The following PRKD1 variants were observed in gnomAD, a reference collection of about 807,000 sequenced individuals.
PRKD1 encodes the protein protein kinase D1.
PRKD1 carries 63 observed loss-of-function variants against 95.9 expected under a neutral mutation model. That is an observed-to-expected ratio of 0.66 (90% CI 0.54 to 0.81). The LOEUF (loss-of-function observed/expected upper bound fraction) is 0.81. Ranked by LOEUF, PRKD1 falls within the 30% of genes least tolerant of loss-of-function variation. PRKD1 has a pLI of 0.00. For synonymous variants in PRKD1, 425 were observed against 423.1 expected (o/e 1.00, Z -0.05); for missense variants, 1,048 against 1,165.3 (o/e 0.90, Z 1.47).
In PRKD1 at chr14:29,927,640, G is replaced by A. The variant is rs1280431316; in HGVS notation, c.-128C>T. ...CCCAGACGGAAAATAAAAACTTTCC[G>A]GAAAAGTCCCTGGGCTGGGGGAGGG... On this transcript the variant is annotated 5_prime_UTR_variant, in exon 1 of 18. Coordinates refer to ENST00000331968, the MANE Select transcript of PRKD1 (RefSeq NM_002742.3). The A allele has an allele frequency of 1.3e-6, 1 of 751,506 alleles. No individual in the cohort carries two copies. Among genetic ancestry groups the A allele is most frequent in the Non-Finnish European group, 1.7e-6 (1 of 599,662 alleles). 46.6% of individuals were successfully genotyped at this position (751,506 alleles called of 1,614,324 possible).
intron 2 of PRKD1, among the ~76,000 whole-genome samples, chr14:29,669,389 T>G (rs1270701719): frequency 6.6e-6 from 1 of 152,146 alleles, no homozygotes; most frequent in Non-Finnish European, 1.5e-5. Context: ...ATTGAATTGA[T>G]TAGTTCGTCC....
At chr14:29,747,692 G>A (rs912788593) in intron 1 of PRKD1, among the ~76,000 whole-genome samples, 1 of 152,106 alleles carries the variant, frequency 6.6e-6, no homozygotes, top group African/African-American at 2.4e-5. Context: ...AGTAAAATAA[G>A]CAAGATAGAA....
At chr14:29,609,684 G>C (rs1240429356) in intron 13 of PRKD1, among the ~76,000 whole-genome samples, 1 of 149,502 alleles carries the variant, frequency 6.7e-6, no homozygotes, top group Non-Finnish European at 1.5e-5. Flanking sequence ...GGGACTACAG[G>C]CAAGCACCAC....
chr14:29,606,159 C>T (rs1893697139), intron 13 of PRKD1, among the ~76,000 whole-genome samples: 1 of 152,046 alleles, frequency 6.6e-6, no homozygotes, highest in Non-Finnish European at 1.5e-5. Flanking sequence ...ATTACAGGTG[C>T]CCGCCACCAT....
chr14:29,593,702 C>A (rs573254002), intron 16 of PRKD1, among the ~76,000 whole-genome samples: 1 of 152,164 alleles, frequency 6.6e-6, no homozygotes. Context: ...GCTTTAAGAT[C>A]TAGCTGAATC....
At chr14:29,598,983 A>G in intron 15 of PRKD1, 44 bp downstream of exon 15, 1 of 1,479,248 alleles carries the variant, frequency 6.8e-7, no homozygotes, top group Non-Finnish European at 9.4e-7. Context: ...GAAGCTAGCA[A>G]TGCTTCCAAC....
intron 1 of PRKD1, among the ~76,000 whole-genome samples, chr14:29,788,673 T>C (rs1229886845): frequency 6.6e-6 from 1 of 152,150 alleles, no homozygotes; most frequent in East Asian, 1.9e-4. Flanking sequence ...AAATTAGTTT[T>C]TCTGCTTCAT....
At chr14:29,877,668 G>A (rs1893348682) in intron 1 of PRKD1, among the ~76,000 whole-genome samples, 1 of 152,122 alleles carries the variant, frequency 6.6e-6, no homozygotes, top group Admixed American at 6.5e-5. Context: ...TTTGTATATA[G>A]TATAAGAAAG....
chr14:29,634,759 T>G (rs1267672397), intron 7 of PRKD1, among the ~76,000 whole-genome samples: 1 of 151,894 alleles, frequency 6.6e-6, no homozygotes, highest in Non-Finnish European at 1.5e-5. Context: ...CCTGGCCGGG[T>G]GCAGTGACTC....
chr14:29,751,397 C>T (rs554568173), intron 1 of PRKD1, among the ~76,000 whole-genome samples: 1 of 152,214 alleles, frequency 6.6e-6, no homozygotes, highest in Non-Finnish European at 1.5e-5. Flanking sequence ...AAAGATGAGG[C>T]ATGCACATTA....
intron 1 of PRKD1, among the ~76,000 whole-genome samples, chr14:29,830,644 T>C (rs1293223431): frequency 1.3e-5 from 2 of 152,048 alleles, no homozygotes; most frequent in African/African-American, 4.8e-5. Flanking sequence ...GTCATAAATA[T>C]ACTAAGCTTA....
chr14:29,597,860 A>C (rs1034609479), intron 15 of PRKD1, 102 bp from the exon 16 acceptor site: 5 of 1,180,464 alleles, frequency 4.2e-6, no homozygotes, highest in Non-Finnish European at 5.8e-6. Flanking sequence ...TAAATACTTT[A>C]CCTTTACATT....
At chr14:29,877,012 T>G (rs570982914) in intron 1 of PRKD1, among the ~76,000 whole-genome samples, 42 of 151,902 alleles carry the variant, frequency 2.8e-4, no homozygotes, top group Admixed American at 7.9e-4. Flanking sequence ...ATTAGACAGG[T>G]GTGGTGGTGT....
At chr14:29,773,191 T>G (rs916331355) in intron 1 of PRKD1, among the ~76,000 whole-genome samples, 4 of 152,146 alleles carry the variant, frequency 2.6e-5, no homozygotes, top group Non-Finnish European at 5.9e-5. Flanking sequence ...CCGGCTGTGG[T>G]GACTCATGCC....
At chr14:29,697,525 C>T (rs765989983) in intron 2 of PRKD1, among the ~76,000 whole-genome samples, 89 of 152,266 alleles carry the variant, frequency 5.8e-4, no homozygotes, top group African/African-American at 2.0e-3. Flanking sequence ...TTAAATTCCA[C>T]AAAGTAGTTT....
chr14:29,585,889 G>T (rs1052235671), intron 16 of PRKD1, among the ~76,000 whole-genome samples: 1 of 152,336 alleles, frequency 6.6e-6, no homozygotes, highest in East Asian at 1.9e-4. Context: ...ATTGATATTT[G>T]TATCAATATT....
At chr14:29,871,584 C>G (rs1351425792) in intron 1 of PRKD1, among the ~76,000 whole-genome samples, 1 of 152,128 alleles carries the variant, frequency 6.6e-6, no homozygotes, top group Non-Finnish European at 1.5e-5. Flanking sequence ...ATAAGTGTAA[C>G]TAATGTAGGA....
chr14:29,675,989 G>GAA (rs1266393201), intron 2 of PRKD1, among the ~76,000 whole-genome samples: 7 of 114,784 alleles, frequency 6.1e-5, no homozygotes, highest in African/African-American at 2.3e-4. Context: ...TGGGGTGGGG[G>GAA]GTGGGGGGAG....
At chr14:29,802,396 A>C (rs1890071598) in intron 1 of PRKD1, among the ~76,000 whole-genome samples, 1 of 152,242 alleles carries the variant, frequency 6.6e-6, no homozygotes, top group Non-Finnish European at 1.5e-5. Context: ...TGAGACTATA[A>C]AGGCTCAAAA....
Sources: allele counts gnomAD v4.1 joint callset (sites outside exome capture counted in the v4.1 genomes callset), GRCh38; gene constraint gnomAD v4.1.1; transcripts MANE v1.5; gene names NCBI Gene and HGNC (gene_info 2026-07-23, HGNC 2026-07-21).